Variants in CYP3A43 observed in about 807,000 individuals in gnomAD.
CYP3A43 encodes cytochrome P450 3A43.
Under a neutral mutation model 58.0 loss-of-function variants are expected in CYP3A43, and 45 were observed. That is an observed-to-expected ratio of 0.78 (90% CI 0.61 to 0.99). The LOEUF is 0.99. CYP3A43 is among the 50% of genes least tolerant of loss of function. CYP3A43 has a pLI of 0.00. For missense variants in CYP3A43, 593 were observed against 591.9 expected (o/e 1.00, Z -0.02); for synonymous variants, 191 against 201.4 (o/e 0.95, Z 0.44).
At chr7:99,854,228 AT>A (rs34870860) in intron 7 of CYP3A43, among the ~76,000 whole-genome samples, 1,592 of 139,882 alleles carry the variant, frequency 0.011, 17 homozygotes, top group African/African-American at 0.033. Context: ...AGTTTTGATA[AT>A]TTTTTTTTTT....
At chr7:99,830,247 G>C (rs1424176571) in intron 1 of CYP3A43, among the ~76,000 whole-genome samples, 2 of 152,192 alleles carry the variant, frequency 1.3e-5, no homozygotes, top group African/African-American at 4.8e-5. Flanking sequence ...GCCAGGCATG[G>C]TGGCTCATAC....
At chr7:99,831,831 AT>A (rs1424528103) in intron 1 of CYP3A43, among the ~76,000 whole-genome samples, 2 of 152,200 alleles carry the variant, frequency 1.3e-5, no homozygotes, top group Non-Finnish European at 2.9e-5. Context: ...GGAGGGCCAG[AT>A]TGCACAAGAG....
At chr7:99,841,023 T>C (rs565130004) in intron 3 of CYP3A43, among the ~76,000 whole-genome samples, 28 of 152,324 alleles carry the variant, frequency 1.8e-4, no homozygotes, top group Middle Eastern at 6.8e-3. Context: ...ATAGAGCTCC[T>C]TTCTGGGAGT....
rs773882475 is a variant in CYP3A43, at chr7:99,859,940, G to A, written c.976G>A (p.Asp326Asn). 6 of 1,613,282 alleles carry A rather than the reference G, an allele frequency of 3.7e-6. No individual in the cohort carries two copies. In the South Asian group the frequency reaches 6.6e-5, roughly 18 times the overall value. Residue 326 changes from aspartate (D) to asparagine (N), a missense_variant, in exon 10 of 13, where the codon GAT becomes AAT. Transcript: ENST00000354829. ...TATGTATGAACTGGCCACTCACCCT[G>A]ATGTCCAGCAGAAACTGCAGGAGGA... Reference protein sequence around the residue: ...FIMYELATHPDVQQKLQEEID... With the variant: ...FIMYELATHPNVQQKLQEEID...
chr7:99,837,811 G>A (rs1817156457), intron 2 of CYP3A43, among the ~76,000 whole-genome samples: 1 of 152,176 alleles, frequency 6.6e-6, no homozygotes, highest in African/African-American at 2.4e-5. Context: ...TCCACCAAGG[G>A]CCTGGGGCCA....
chr7:99,854,938 A>C (rs895126236), intron 7 of CYP3A43, among the ~76,000 whole-genome samples: 6 of 151,214 alleles, frequency 4.0e-5, no homozygotes, highest in Admixed American at 1.3e-4. Context: ...AGGCTGGAGT[A>C]CAGTGGCACA....
At chr7:99,864,949 C>T (rs1449685796) in intron 12 of CYP3A43, among the ~76,000 whole-genome samples, 1 of 148,442 alleles carries the variant, frequency 6.7e-6, no homozygotes, top group East Asian at 1.9e-4. Context: ...AAGCAAGGCC[C>T]TATAAGCCTT....
chr7:99,833,377 A>C (rs536935773), intron 1 of CYP3A43, among the ~76,000 whole-genome samples: 15 of 152,326 alleles, frequency 9.8e-5, no homozygotes, highest in African/African-American at 3.4e-4. Flanking sequence ...AAACAAACAC[A>C]GTTATTCAAT....
intron 4 of CYP3A43, 26 bp from the exon 5 acceptor site, chr7:99,847,462 C>G (rs1407180634): frequency 6.2e-7 from 1 of 1,608,282 alleles, no homozygotes; most frequent in South Asian, 1.1e-5. Context: ...TTACGTAGGA[C>G]AAACTGCTTC....
At chr7:99,834,377 A>G (rs1290970349) in intron 1 of CYP3A43, among the ~76,000 whole-genome samples, 1 of 152,002 alleles carries the variant, frequency 6.6e-6, no homozygotes, top group Non-Finnish European at 1.5e-5. Flanking sequence ...CTTTTTTGAT[A>G]TTTGTGTTTA....
rs188094284 is a variant in CYP3A43, at chr7:99,842,094, A to G, written c.219-2049A>G. 5.7e-3 allele frequency among the ~76,000 whole-genome samples: 868 copies of G among 152,362 alleles called. 8 individuals carry two copies. Among genetic ancestry groups the G allele is most frequent in the Non-Finnish European group, 8.8e-3 (600 of 68,030 alleles). ...ATTCTAAACAATTAATTAAAAGATC[A>G]AATTTTTTAAAGGACTTATAAAATG... On this transcript the variant is annotated intron_variant, in intron 3 of 12. Transcript: ENST00000354829.
At chr7:99,830,276 G>A (rs1816790732) in intron 1 of CYP3A43, among the ~76,000 whole-genome samples, 1 of 152,148 alleles carries the variant, frequency 6.6e-6, no homozygotes, top group African/African-American at 2.4e-5. Context: ...CCAGCACTTT[G>A]GAAAGCCGAG....
At position 99,828,133 on chromosome 7, in the gene CYP3A43, C is replaced by T. The variant is rs1471697230; in HGVS notation, c.18C>T (p.Asn6=). The part of the protein sequence containing the change: MDLIP[N]FAMETWVLVA... ...AACTGGTGATGGATCTCATTCCAAA[C>T]TTTGCCATGGAAACATGGGTTCTTG... is the stretch of plus-strand genomic sequence containing the variant. Residue 6 remains asparagine (N), a synonymous_variant, in exon 1 of 13, where the codon AAC becomes AAT. Transcript: ENST00000354829. 6.2e-7 allele frequency: 1 copy of T among 1,613,128 alleles called. No homozygotes were observed. Among genetic ancestry groups the T allele is most frequent in the Admixed American group, 1.7e-5 (1 of 60,004 alleles).
chr7:99,845,211 T>G (rs1817498964), intron 4 of CYP3A43, among the ~76,000 whole-genome samples: 1 of 152,206 alleles, frequency 6.6e-6, no homozygotes, highest in Admixed American at 6.5e-5. Flanking sequence ...GGCTGTGTGA[T>G]TTTTCCAACA....
intron 5 of CYP3A43, 31 bp from the exon 6 acceptor site, chr7:99,848,135 G>A (rs760243610): frequency 2.7e-5 from 44 of 1,608,056 alleles, no homozygotes; most frequent in Admixed American, 2.3e-4. Context: ...TCGAGTCTGC[G>A]TAGTTAACTA....
intron 9 of CYP3A43, 128 bp from the exon 10 acceptor site, chr7:99,859,702 T>A: frequency 8.3e-7 from 1 of 1,200,644 alleles, no homozygotes; most frequent in South Asian, 1.4e-5. Flanking sequence ...CCACCCGCAG[T>A]GTGACTCTGA....
chr7:99,837,335 A>AAG (rs1243770989), intron 2 of CYP3A43, among the ~76,000 whole-genome samples: 1 of 149,206 alleles, frequency 6.7e-6, no homozygotes, highest in African/African-American at 2.5e-5. Flanking sequence ...AAAAAAAAAA[A>AAG]GAAAAGAAAA....
intron 9 of CYP3A43, among the ~76,000 whole-genome samples, chr7:99,858,363 G>A (rs1818077870): frequency 6.6e-6 from 1 of 151,848 alleles, no homozygotes; most frequent in African/African-American, 2.4e-5. Flanking sequence ...GGTTGGAGTG[G>A]GCACCATATT....
At chr7:99,844,872 C>T (rs944851103) in intron 4 of CYP3A43, among the ~76,000 whole-genome samples, 15 of 151,860 alleles carry the variant, frequency 9.9e-5, no homozygotes, top group Non-Finnish European at 2.2e-4. Context: ...AGATCAAGAC[C>T]ATCCTGGCCA....
Sources: allele counts gnomAD v4.1 joint callset (sites outside exome capture counted in the v4.1 genomes callset), GRCh38; gene constraint gnomAD v4.1.1; transcripts MANE v1.5; gene names NCBI Gene and HGNC (gene_info 2026-07-23, HGNC 2026-07-21).